Variants in SH2B1 observed in about 807,000 individuals in gnomAD.
SH2B1 encodes SH2B adapter protein 1.
SH2B1 carries 15 observed loss-of-function variants against 62.6 expected under a neutral mutation model. The observed-to-expected ratio is 0.24, with a 90% CI of 0.16 to 0.37. The LOEUF (loss-of-function observed/expected upper bound fraction) is 0.37, where lower values mean the gene tolerates loss of function less well. SH2B1 is among the 10% of genes least tolerant of loss of function. The probability of loss-of-function intolerance (pLI) is 1.00; values close to 1 mark genes in which losing one functional copy is unlikely to be tolerated. For missense variants in SH2B1, 925 were observed against 1,015.6 expected (o/e 0.91, Z 1.21); for synonymous variants, 443 against 438.0 (o/e 1.01, Z -0.14).
In SH2B1 at chr16:28,852,841, CATAT is replaced by C. The variant is rs1285490068; in HGVS notation, c.-301+6021_-301+6024del. 1.7e-3 allele frequency among the ~76,000 whole-genome samples: 56 copies of C among 32,728 alleles called. 9 individuals carry two copies. Among genetic ancestry groups the C allele is most frequent in the African/African-American group, 6.5e-3 (52 of 7,958 alleles). The allele number at this position is 32,728 out of a possible 152,430, so 21.5% of individuals were successfully genotyped here. ...TTACATATATATTTATATATATATACATATATATATTTTTATATATATTTACATA... is the reference window on the plus strand; with the variant it reads ...TTACATATATATTTATATATATATACATATATTTTTATATATATTTACATA... On this transcript the variant is annotated intron_variant, in intron 1 of 10. Transcript: ENST00000322610.
Position 28,865,932 on chromosome 16 carries a change from T to C in SH2B1, c.-163T>C. 2.1e-6 allele frequency: 3 copies of C among 1,417,830 alleles called. No individual in the cohort carries two copies. The South Asian group carries it at 4.7e-5, about 22-fold the overall frequency. The allele number at this position is 1,417,830 out of a possible 1,614,324, so 87.8% of individuals were successfully genotyped here. ...GCGGAGTCTGAAGTAGGGTCGGACGTCTCTGGCTGGGGGTGGGATGCAGCC... is the reference window on the plus strand; with the variant it reads ...GCGGAGTCTGAAGTAGGGTCGGACGCCTCTGGCTGGGGGTGGGATGCAGCC... On this transcript the variant is annotated 5_prime_UTR_variant, in exon 1 of 8. Coordinates refer to ENST00000684370, the MANE Select transcript of SH2B1 (RefSeq NM_001387430.1).
chr16:28,850,956 C>T (rs944662282), intron 1 of SH2B1, among the ~76,000 whole-genome samples: 8 of 150,996 alleles, frequency 5.3e-5, no homozygotes, highest in South Asian at 2.1e-4. Context: ...AGGTGGGTCA[C>T]GAGGTCAAGA....
chr16:28,872,283 A>G lies in SH2B1; in HGVS notation c.1607A>G (p.Lys536Arg). The change falls in exon 6 of 8, where the codon AAG becomes AGG. Residue 536 changes from lysine to arginine, a missense_variant. Lys to Arg is a conservative substitution (Grantham distance 26, BLOSUM62 2). Transcript: ENST00000684370. The surrounding 1 kb of genome is among the most constrained non-coding windows in gnomAD (Gnocchi z 5.3). The part of the protein sequence containing the change: ...PWFHGMLSRL[K>R]AAQLVLTGGT... ...TTCCACGGGATGCTCTCTCGGCTCA[A>G]GGCTGCACAGTTGGTGCTGACTGGC... 1.9e-6 allele frequency: 3 copies of G among 1,614,088 alleles called. No homozygotes were observed. The highest frequency in any genetic ancestry group is 2.5e-6 in the Non-Finnish European group (3 of 1,179,950).
chr16:28,873,876 G>T lies in SH2B1; in HGVS notation c.*56G>T, dbSNP rs972477941. 10 of 1,383,450 alleles carry T rather than the reference G, an allele frequency of 7.2e-6. No individual in the cohort carries two copies. Among genetic ancestry groups the T allele is most frequent in the Non-Finnish European group, 9.3e-6 (10 of 1,072,578 alleles). The allele number at this position is 1,383,450 out of a possible 1,614,324, so 85.7% of individuals were successfully genotyped here. A position where few individuals can be genotyped will look rare whatever the true frequency, so the allele number is the denominator to read the frequency against. On this transcript the variant is annotated 3_prime_UTR_variant, in exon 8 of 8. Transcript: ENST00000684370. This position sits in a 1 kb window ranked among gnomAD's most constrained non-coding sequence, Gnocchi z 4.2. ...CCCCCCAGCCCTGCTCGTGAGATTG[G>T]GCTGGGTAGGGACAGAGGAGGCCGA...
upstream of SH2B1, among the ~76,000 whole-genome samples, chr16:28,860,495 G>A (rs372219428): frequency 6.6e-6 from 1 of 151,700 alleles, no homozygotes; most frequent in Non-Finnish European, 1.5e-5. Flanking sequence ...CGCCTGCCTT[G>A]GCCTCCCAAA....
At position 28,870,994 on chromosome 16, in the gene SH2B1, CGTGTGTGTGTGTGTGT is replaced by C. The variant is rs35079060; in HGVS notation, c.1310-763_1310-748del. Among the ~76,000 whole-genome samples, 33 of 141,542 alleles carry C rather than the reference CGTGTGTGTGTGTGTGT, an allele frequency of 2.3e-4. No individual in the cohort carries two copies. In the Middle Eastern group the frequency reaches 0.014, roughly 61 times the overall value. The allele number at this position is 141,542 out of a possible 152,430, so 92.9% of individuals were successfully genotyped here. On this transcript the variant is annotated intron_variant, in intron 4 of 7. Coordinates refer to ENST00000684370, the MANE Select transcript of SH2B1 (RefSeq NM_001387430.1). ...GAGCCACTGTGTGCAGCCAGAATTC[CGTGTGTGTGTGTGTGT>C]GTGTGTGTGTGTGTGTGTGTGTTTT...
intron 1 of SH2B1, among the ~76,000 whole-genome samples, chr16:28,854,834 A>G (rs1392462846): frequency 6.6e-6 from 1 of 152,128 alleles, no homozygotes; most frequent in East Asian, 1.9e-4. Context: ...CTTTGAACCC[A>G]TGTAGTTCAT....
chr16:28,864,462 C>T lies in SH2B1; in HGVS notation c.-1633C>T, dbSNP rs76310209. The T allele has an allele frequency of 1.7e-3, 1,628 of 986,166 alleles. 17 individuals carry two copies. In the African/African-American group the frequency reaches 0.026, roughly 16 times the overall value. The allele number at this position is 986,166 out of a possible 1,614,324, so 61.1% of individuals were successfully genotyped here. A position where few individuals can be genotyped will look rare whatever the true frequency, so the allele number is the denominator to read the frequency against. On this transcript the variant is annotated 5_prime_UTR_variant, in exon 1 of 8. Coordinates refer to ENST00000684370, the MANE Select transcript of SH2B1 (RefSeq NM_001387430.1). Reference sequence around the variant, plus strand: ...TTCTTGGCTGGGTTCCCCCGTGCTCCATGACTCCTGCATCTCCTGATTGTT... The same window carrying T: ...TTCTTGGCTGGGTTCCCCCGTGCTCTATGACTCCTGCATCTCCTGATTGTT...
intron 1 of SH2B1, among the ~76,000 whole-genome samples, chr16:28,849,703 G>T (rs1962055627): frequency 6.6e-6 from 1 of 152,152 alleles, no homozygotes; most frequent in Non-Finnish European, 1.5e-5. Flanking sequence ...GAGGCAGGCG[G>T]ATCACTTGAG....
intron 2 of SH2B1, among the ~76,000 whole-genome samples, chr16:28,867,695 C>G (rs1962797424): frequency 1.3e-5 from 2 of 152,188 alleles, no homozygotes; most frequent in South Asian, 4.1e-4. Context: ...CCCTCTAAGT[C>G]AGGAGTGCAG....
chr16:28,865,982 C>G lies in SH2B1; in HGVS notation c.-113C>G. Reference sequence around the variant, plus strand: ...CTCCGGTGCGCCCTCAGCAGTGACCCTCGTGTGTGCCTCTCTCTTCCTTTC... The same window carrying G: ...CTCCGGTGCGCCCTCAGCAGTGACCGTCGTGTGTGCCTCTCTCTTCCTTTC... On this transcript the variant is annotated 5_prime_UTR_variant, in exon 1 of 8. Transcript: ENST00000684370. 1 of 1,492,822 alleles carries G rather than the reference C, an allele frequency of 6.7e-7. No individual in the cohort carries two copies. Among genetic ancestry groups the G allele is most frequent in the Non-Finnish European group, 8.8e-7 (1 of 1,130,522 alleles). 92.5% of individuals were successfully genotyped at this position (1,492,822 alleles called of 1,614,324 possible). A position where few individuals can be genotyped will look rare whatever the true frequency, so the allele number is the denominator to read the frequency against.
In SH2B1 at chr16:28,872,799, C is replaced by T. The variant is rs774919075; in HGVS notation, c.1897+94C>T. ...AGATGGGGCGGGGAGGGGGGACTAT[C>T]ACAAGGAGAAGCTTTGCTTGGGAGA... is the stretch of plus-strand genomic sequence containing the variant. On this transcript the variant is annotated intron_variant, in intron 7 of 7. Transcript: ENST00000684370. The surrounding 1 kb of genome is among the most constrained non-coding windows in gnomAD (Gnocchi z 5.3). 2.7e-6 allele frequency: 4 copies of T among 1,499,386 alleles called. No individual in the cohort carries two copies. The South Asian group carries it at 3.5e-5, about 13-fold the overall frequency. 92.9% of individuals were successfully genotyped at this position (1,499,386 alleles called of 1,614,324 possible).
At position 28,873,361 on chromosome 16, in the gene SH2B1, C is replaced by T; in HGVS notation, c.1898-86C>T. 1 of 1,584,634 alleles carries T rather than the reference C, an allele frequency of 6.3e-7. No homozygotes were observed. On this transcript the variant is annotated intron_variant, in intron 7 of 7. Transcript: ENST00000684370. The surrounding 1 kb of genome is among the most constrained non-coding windows in gnomAD (Gnocchi z 4.2). ...GATGGGATGTGGGGAGACAGCCACG[C>T]TCCTGGGGGGCTGAGTGAAGGGGAG... is the stretch of plus-strand genomic sequence containing the variant.
intron 1 of SH2B1, among the ~76,000 whole-genome samples, chr16:28,850,622 C>A (rs376518577): frequency 6.6e-6 from 1 of 150,994 alleles, no homozygotes; most frequent in African/African-American, 2.4e-5. Flanking sequence ...AACTTTGGGA[C>A]GCTAAGGTGG....
upstream of SH2B1, among the ~76,000 whole-genome samples, chr16:28,861,142 T>C (rs1183150800): frequency 6.6e-6 from 1 of 151,600 alleles, no homozygotes; most frequent in Non-Finnish European, 1.5e-5. Flanking sequence ...CAGCACTTTT[T>C]TGTTTTTTGA....
chr16:28,865,768 C>G lies in SH2B1; in HGVS notation c.-327C>G. The G allele has an allele frequency of 6.3e-6, 7 of 1,118,900 alleles. No homozygotes were observed. The highest frequency in any genetic ancestry group is 7.6e-6 in the Non-Finnish European group (7 of 915,460). 69.3% of individuals were successfully genotyped at this position (1,118,900 alleles called of 1,614,324 possible). The stretch of plus-strand genomic sequence containing the variant: ...CTCCAAAGCCCTCTACTGCTGGATC[C>G]AAAGCTAAGGAAAGTGGGGGCAAAT... On this transcript the variant is annotated 5_prime_UTR_variant, in exon 1 of 8. Transcript: ENST00000684370.
chr16:28,858,084 T>C (rs1962363216), intron 1 of SH2B1, among the ~76,000 whole-genome samples: 1 of 152,024 alleles, frequency 6.6e-6, no homozygotes, highest in South Asian at 2.1e-4. Flanking sequence ...GGTCTTACCC[T>C]TCAGGCCCCC....
At position 28,872,941 on chromosome 16, in the gene SH2B1, G is replaced by A. The variant is rs574581628; in HGVS notation, c.1897+236G>A. On this transcript the variant is annotated intron_variant, in intron 7 of 7. Coordinates refer to ENST00000684370, the MANE Select transcript of SH2B1 (RefSeq NM_001387430.1). The surrounding 1 kb of genome is among the most constrained non-coding windows in gnomAD (Gnocchi z 5.3). Reference sequence around the variant, plus strand: ...CCGGGGCGGCAGCTGAGAGGTGGGCGGGCGCATCCCCATTCCATCGGATCC... The same window carrying A: ...CCGGGGCGGCAGCTGAGAGGTGGGCAGGCGCATCCCCATTCCATCGGATCC... 9.2e-6 allele frequency: 6 copies of A among 649,296 alleles called. No homozygotes were observed. Among genetic ancestry groups the A allele is most frequent in the East Asian group, 2.7e-5 (1 of 36,746 alleles). 40.2% of individuals were successfully genotyped at this position (649,296 alleles called of 1,614,324 possible).
rs895698029 is a variant in SH2B1 at position 28,866,665 on chromosome 16, C to A, written c.571C>A (p.Pro191Thr). ...SAGPLETSSGPPVLGGNSNSN... is the reference protein window; with the variant it reads ...SAGPLETSSGTPVLGGNSNSN... ...TGGGCCCCTGGAGACCTCGTCAGGC[C>A]CCCCAGTCTTAGGTGGAAACAGCAA... Residue 191 changes from proline (P) to threonine (T), a missense_variant, in exon 1 of 8, where the codon CCC becomes ACC. This residue lies in a region of SH2B1 where 683 missense variants were observed against 704.0 expected (regional missense o/e 0.97). Transcript: ENST00000684370. This position sits in a 1 kb window ranked among gnomAD's most constrained non-coding sequence, Gnocchi z 6.3. The A allele has an allele frequency of 9.1e-5, 146 of 1,609,696 alleles. No individual in the cohort carries two copies. Among genetic ancestry groups the A allele is most frequent in the Non-Finnish European group, 1.2e-4 (143 of 1,177,690 alleles).
Sources: allele counts gnomAD v4.1 joint callset (sites outside exome capture counted in the v4.1 genomes callset), GRCh38; gene constraint gnomAD v4.1.1; regional missense constraint gnomAD v4.1.1; non-coding constraint Gnocchi (gnomAD v3.1); transcripts MANE v1.5; gene names NCBI Gene and HGNC (gene_info 2026-07-23, HGNC 2026-07-21).